The following RABGAP1 variants were observed in gnomAD, a reference collection of about 807,000 sequenced individuals.
The protein encoded by RABGAP1 is RAB GTPase activating protein 1.
Under a neutral mutation model 137.6 loss-of-function variants are expected in RABGAP1, and 23 were observed. The observed-to-expected ratio is 0.17, with a 90% CI of 0.12 to 0.24. The LOEUF (loss-of-function observed/expected upper bound fraction) is 0.24, where lower values mean the gene tolerates loss of function less well. Ranked by LOEUF, RABGAP1 falls within the 10% of genes least tolerant of loss-of-function variation. The probability of loss-of-function intolerance (pLI) is 1.00; values close to 1 mark genes in which losing one functional copy is unlikely to be tolerated. For synonymous variants in RABGAP1, 451 were observed against 450.7 expected (o/e 1.00, Z -0.01); for missense variants, 906 against 1,275.8 (o/e 0.71, Z 4.42).
At chr9:123,101,879 C>G in intron 25 of RABGAP1, 116 bp downstream of exon 25, 1 of 1,099,064 alleles carries the variant, frequency 9.1e-7, no homozygotes, top group Non-Finnish European at 1.3e-6. Context: ...AAACTTTGGT[C>G]ACAGTTGTCA....
intron 13 of RABGAP1, among the ~76,000 whole-genome samples, chr9:123,032,863 C>A (rs185066019): frequency 1.3e-5 from 2 of 152,266 alleles, no homozygotes; most frequent in Admixed American, 1.3e-4. Context: ...TTCTAAGATA[C>A]AAAGGCTTAT....
Position 123,073,537 on chromosome 9 carries a change from G to A in RABGAP1, c.1984-15G>A. On this transcript the variant is annotated splice_polypyrimidine_tract_variant and intron_variant, in intron 15 of 25. Coordinates refer to ENST00000373647, the MANE Select transcript of RABGAP1 (RefSeq NM_012197.4). ...CGCCATCCTCCCTACCCAACAACTT[G>A]CCTATCTGTTACAGATGCCTGAAGA... 6.2e-7 allele frequency: 1 copy of A among 1,605,880 alleles called. No individual in the cohort carries two copies. The highest frequency in any genetic ancestry group is 8.5e-7 in the Non-Finnish European group (1 of 1,177,004).
At position 123,073,541 on chromosome 9, in the gene RABGAP1, A is replaced by G. The variant is rs760198402; in HGVS notation, c.1984-11A>G. On this transcript the variant is annotated splice_polypyrimidine_tract_variant and intron_variant, in intron 15 of 25. Coordinates refer to ENST00000373647, the MANE Select transcript of RABGAP1 (RefSeq NM_012197.4). ...ATCCTCCCTACCCAACAACTTGCCT[A>G]TCTGTTACAGATGCCTGAAGAACAG... 64 of 1,609,540 alleles carry G rather than the reference A, an allele frequency of 4.0e-5. No homozygotes were observed. The highest frequency in any genetic ancestry group is 5.3e-5 in the Non-Finnish European group (63 of 1,178,390).
At position 123,098,817 on chromosome 9, in the gene RABGAP1, G is replaced by A. The variant is rs369893454; in HGVS notation, c.2817+19G>A. On this transcript the variant is annotated intron_variant, in intron 23 of 25. Coordinates refer to ENST00000373647, the MANE Select transcript of RABGAP1 (RefSeq NM_012197.4). ...TAAGCAGGTAGGTTCCAGTACCCTG[G>A]GATTGGGCTGTGTAATCTGGGAGCC... 3 of 1,595,524 alleles carry A rather than the reference G, an allele frequency of 1.9e-6. No homozygotes were observed. The highest frequency in any genetic ancestry group is 2.6e-6 in the Non-Finnish European group (3 of 1,165,912).
chr9:123,005,973 CT>C (rs2030224945), intron 10 of RABGAP1, among the ~76,000 whole-genome samples: 1 of 152,096 alleles, frequency 6.6e-6, no homozygotes, highest in Non-Finnish European at 1.5e-5. Flanking sequence ...TATCCTCTGC[CT>C]TTTTAATGTA....
intron 10 of RABGAP1, among the ~76,000 whole-genome samples, chr9:123,007,355 G>A (rs986257265): frequency 6.7e-6 from 1 of 148,544 alleles, no homozygotes; most frequent in Non-Finnish European, 1.5e-5. Context: ...GATTATAGGC[G>A]TGAGCTACTG....
the RABGAP1 span, among the ~76,000 whole-genome samples, chr9:122,931,959 G>A: frequency 6.6e-6 from 1 of 152,164 alleles, no homozygotes; most frequent in African/African-American, 2.4e-5. Context: ...TTTTGGATGT[G>A]TTTTTCAGGG....
the RABGAP1 span, among the ~76,000 whole-genome samples, chr9:122,932,840 T>G: frequency 6.6e-6 from 1 of 152,248 alleles, no homozygotes; most frequent in Non-Finnish European, 1.5e-5. Flanking sequence ...CCTTGATTTC[T>G]TCTTTGACCC....
intron 10 of RABGAP1, among the ~76,000 whole-genome samples, chr9:123,007,960 A>G (rs1302756009): frequency 6.7e-6 from 1 of 149,566 alleles, no homozygotes; most frequent in South Asian, 2.1e-4. Flanking sequence ...TTTAAAACCT[A>G]TGTTTAAATT....
intron 10 of RABGAP1, among the ~76,000 whole-genome samples, chr9:123,002,768 T>G (rs1245799250): frequency 4.6e-5 from 7 of 152,156 alleles, no homozygotes; most frequent in Non-Finnish European, 8.8e-5. Context: ...TAATTTTTTT[T>G]TAGTTAGGCT....
intron 11 of RABGAP1, among the ~76,000 whole-genome samples, chr9:123,013,379 A>G (rs1167814751): frequency 2.6e-5 from 4 of 151,236 alleles, no homozygotes; most frequent in South Asian, 2.1e-4. Flanking sequence ...TCACCCAGAC[A>G]GGAGTACAAT....
intron 19 of RABGAP1, among the ~76,000 whole-genome samples, chr9:123,079,499 A>G (rs2034641689): frequency 6.6e-6 from 1 of 151,356 alleles, no homozygotes; most frequent in Non-Finnish European, 1.5e-5. Context: ...TCAGCCTCCC[A>G]GAGTGCTGGG....
chr9:123,055,063 C>T (rs1240879142), intron 13 of RABGAP1, among the ~76,000 whole-genome samples: 1 of 152,154 alleles, frequency 6.6e-6, no homozygotes, highest in Non-Finnish European at 1.5e-5. Context: ...GAGTTTTGCT[C>T]CCCTTCCTTG....
chr9:123,040,343 A>T (rs1341608312), intron 13 of RABGAP1, among the ~76,000 whole-genome samples: 1 of 152,284 alleles, frequency 6.6e-6, no homozygotes, highest in East Asian at 1.9e-4. Flanking sequence ...AGTCTTCTCT[A>T]TTAGCAGATA....
chr9:123,035,324 T>C lies in RABGAP1; in HGVS notation c.1794+14865T>C, dbSNP rs770181147. 8 of 1,614,060 alleles carry C rather than the reference T, an allele frequency of 5.0e-6. No individual in the cohort carries two copies. The African/African-American group carries it at 1.1e-4, about 22-fold the overall frequency. On this transcript the variant is annotated intron_variant, in intron 13 of 25. Coordinates refer to ENST00000373647, the MANE Select transcript of RABGAP1 (RefSeq NM_012197.4). The stretch of plus-strand genomic sequence containing the variant: ...TGTCCTGATAAGCGCTATGCCATGG[T>C]CCTGTTTCGAATCACTAGTGTATTT...
rs1439958159 is a variant in RABGAP1, at chr9:123,010,537, T to G, written c.1549+9T>G. 1 of 1,608,456 alleles carries G rather than the reference T, an allele frequency of 6.2e-7. No individual in the cohort carries two copies. ...AGATGATGAAGAGGAAGGTAAACTG[T>G]AGGGATAGCTTAATTTATTTTTGGG... On this transcript the variant is annotated intron_variant, in intron 11 of 25. Coordinates refer to ENST00000373647, the MANE Select transcript of RABGAP1 (RefSeq NM_012197.4).
At chr9:122,960,984 G>A (rs1354519157) in intron 2 of RABGAP1, among the ~76,000 whole-genome samples, 1 of 151,886 alleles carries the variant, frequency 6.6e-6, no homozygotes, top group East Asian at 1.9e-4. Flanking sequence ...CAAAGAACAT[G>A]AAGAAAAACA....
intron 13 of RABGAP1, among the ~76,000 whole-genome samples, chr9:123,060,184 G>A (rs946094181): frequency 3.3e-5 from 5 of 152,324 alleles, no homozygotes; most frequent in African/African-American, 9.6e-5. Flanking sequence ...TACACCTTAT[G>A]TGTTCATTTT....
chr9:123,009,730 G>A (rs2030627554), intron 10 of RABGAP1, among the ~76,000 whole-genome samples: 1 of 152,104 alleles, frequency 6.6e-6, no homozygotes, highest in Non-Finnish European at 1.5e-5. Context: ...AATACAATCA[G>A]TTGGAGTAAT....
Sources: allele counts gnomAD v4.1 joint callset (sites outside exome capture counted in the v4.1 genomes callset), GRCh38; gene constraint gnomAD v4.1.1; transcripts MANE v1.5; gene names NCBI Gene and HGNC (gene_info 2026-07-23, HGNC 2026-07-21).